NRXN1: variants seen among roughly 807,000 people sequenced by gnomAD.
NRXN1 encodes the protein neurexin-1.
Under a neutral mutation model 150.9 loss-of-function variants are expected in NRXN1, and 39 were observed. The observed-to-expected ratio is 0.26, with a 90% CI of 0.20 to 0.34. The LOEUF (loss-of-function observed/expected upper bound fraction) is 0.34. Ranked by LOEUF, NRXN1 falls within the 10% of genes least tolerant of loss-of-function variation. The pLI, the probability that NRXN1 is intolerant of heterozygous loss-of-function variation, is 1.00. For missense variants in NRXN1, 1,815 were observed against 1,949.9 expected, an observed-to-expected ratio of 0.93 and a Z score of 1.30; for synonymous variants, 924 against 757.0, an observed-to-expected ratio of 1.22 and a Z score of -3.62.
intron 5 of NRXN1, among the ~76,000 whole-genome samples, chr2:50,789,007 G>A (rs146096269): frequency 6.6e-6 from 1 of 152,228 alleles, no homozygotes; most frequent in East Asian, 1.9e-4. Flanking sequence ...AATGGATTGG[G>A]GGAGAAAAGG....
intron 19 of NRXN1, among the ~76,000 whole-genome samples, chr2:50,057,768 A>G (rs957502515): frequency 6.6e-6 from 1 of 152,160 alleles, no homozygotes; most frequent in Non-Finnish European, 1.5e-5. Flanking sequence ...GAAAGCAAAT[A>G]CTAGTGTCCA....
At chr2:49,934,020 T>C (rs2104245862) in intron 22 of NRXN1, among the ~76,000 whole-genome samples, 1 of 152,318 alleles carries the variant, frequency 6.6e-6, no homozygotes, top group East Asian at 1.9e-4. Flanking sequence ...TGGAGCTTGT[T>C]TCTGTTTTTC....
intron 5 of NRXN1, among the ~76,000 whole-genome samples, chr2:50,662,390 A>G (rs1218639631): frequency 6.6e-6 from 1 of 152,028 alleles, no homozygotes; most frequent in Non-Finnish European, 1.5e-5. Context: ...ATGAATGGTT[A>G]ACATTTCAAG....
At chr2:50,045,156 C>CCAA (rs150907464) in intron 21 of NRXN1, among the ~76,000 whole-genome samples, 3,406 of 150,784 alleles carry the variant, frequency 0.023, 120 homozygotes, top group African/African-American at 0.076. Flanking sequence ...TTCAGTGATA[C>CCAA]CAACAACAAC....
At chr2:50,991,661 A>C (rs1187993314) in intron 2 of NRXN1, among the ~76,000 whole-genome samples, 2 of 152,016 alleles carry the variant, frequency 1.3e-5, no homozygotes, top group Admixed American at 1.3e-4. Context: ...AAGGAGAAAA[A>C]CATGGAAAAT....
chr2:50,028,888 A>G (rs182822508), intron 21 of NRXN1, among the ~76,000 whole-genome samples: 1 of 152,314 alleles, frequency 6.6e-6, no homozygotes, highest in Admixed American at 6.5e-5. Context: ...TAGGTGAACA[A>G]TAAAACTATA....
intron 18 of NRXN1, among the ~76,000 whole-genome samples, chr2:50,158,083 G>T: frequency 6.6e-6 from 1 of 150,392 alleles, no homozygotes. Context: ...GTGTGTGTGT[G>T]TGTGTGTGTG....
intron 5 of NRXN1, among the ~76,000 whole-genome samples, chr2:50,795,237 C>T (rs1451000328): frequency 6.6e-6 from 1 of 151,956 alleles, no homozygotes; most frequent in East Asian, 1.9e-4. Flanking sequence ...TTTGGAGAGC[C>T]CCCACATTTA....
rs141914205 is a variant in NRXN1 at position 50,088,460 on chromosome 2, G to A, written c.3718+2863C>T. Among the ~76,000 whole-genome samples, 1,358 of 152,122 alleles carry A rather than the reference G, an allele frequency of 8.9e-3. 14 individuals carry two copies. The highest frequency in any genetic ancestry group is 0.078 in the Middle Eastern group (23 of 294). On this transcript the variant is annotated intron_variant, in intron 19 of 22. Coordinates refer to ENST00000401669, the MANE Select transcript of NRXN1 (RefSeq NM_001330078.2). ...TATGTGCTTTATTTTCTTGAGGGCC[G>A]ACTCTGTGTTTTACCTTGCGTATAT...
chr2:50,133,765 C>T (rs370075074), intron 18 of NRXN1, among the ~76,000 whole-genome samples: 1 of 152,100 alleles, frequency 6.6e-6, no homozygotes, highest in Non-Finnish European at 1.5e-5. Flanking sequence ...TGGTTATCAT[C>T]TGGACTAACA....
chr2:50,928,036 T>G (rs988398936), intron 2 of NRXN1, among the ~76,000 whole-genome samples: 5 of 151,978 alleles, frequency 3.3e-5, no homozygotes, highest in African/African-American at 9.7e-5. Context: ...GATACAAGCC[T>G]AGGTTTTGCC....
chr2:50,816,556 G>C (rs528282283), intron 5 of NRXN1, among the ~76,000 whole-genome samples: 2 of 152,238 alleles, frequency 1.3e-5, no homozygotes, highest in Non-Finnish European at 2.9e-5. Flanking sequence ...GATTTATCTT[G>C]CGTTATGCTT....
intron 5 of NRXN1, among the ~76,000 whole-genome samples, chr2:50,868,263 A>C (rs957011734): frequency 1.4e-5 from 2 of 146,942 alleles, no homozygotes; most frequent in Non-Finnish European, 3.0e-5. Context: ...CATGGTTGGA[A>C]CTGGAAGTCT....
chr2:50,123,191 A>AAAAT (rs941855472), intron 18 of NRXN1, among the ~76,000 whole-genome samples: 4 of 152,220 alleles, frequency 2.6e-5, no homozygotes, highest in Non-Finnish European at 4.4e-5. Context: ...GGAGGAACAG[A>AAAAT]AAATAACTTC....
chr2:50,696,532 G>A (rs929171668), intron 5 of NRXN1, among the ~76,000 whole-genome samples: 3 of 152,090 alleles, frequency 2.0e-5, no homozygotes, highest in African/African-American at 7.2e-5. Flanking sequence ...AAGGCAATGG[G>A]GTGAAGCAGG....
intron 21 of NRXN1, among the ~76,000 whole-genome samples, chr2:50,007,023 C>A (rs1448044756): frequency 1.3e-5 from 2 of 152,130 alleles, no homozygotes; most frequent in African/African-American, 2.4e-5. Context: ...CCTTTTAAGT[C>A]CCTTACAAGT....
At chr2:50,549,965 C>T (rs1257501898) in intron 9 of NRXN1, among the ~76,000 whole-genome samples, 2 of 152,054 alleles carry the variant, frequency 1.3e-5, no homozygotes, top group African/African-American at 4.8e-5. Context: ...TATAGACACA[C>T]ACACAATTTA....
chr2:49,990,033 T>G (rs1315585982), intron 21 of NRXN1, among the ~76,000 whole-genome samples: 1 of 151,856 alleles, frequency 6.6e-6, no homozygotes, highest in African/African-American at 2.4e-5. Flanking sequence ...CACTTACGGA[T>G]TAGATCAGTT....
intron 17 of NRXN1, among the ~76,000 whole-genome samples, chr2:50,263,157 TACACACACACACACACACAC>T (rs58442373): frequency 2.3e-3 from 341 of 147,350 alleles, no homozygotes; most frequent in Non-Finnish European, 4.0e-3. Context: ...AAAACACACA[TACACACACACACACACACAC>T]ACACACACAC....
Sources: allele counts gnomAD v4.1 joint callset (sites outside exome capture counted in the v4.1 genomes callset), GRCh38; gene constraint gnomAD v4.1.1; transcripts MANE v1.5; gene names NCBI Gene and HGNC (gene_info 2026-07-23, HGNC 2026-07-21).